The following LAMA2 variants were observed in gnomAD, a reference collection of about 807,000 sequenced individuals.
LAMA2 encodes laminin subunit alpha-2.
A neutral mutation model predicts 364.8 loss-of-function variants in LAMA2; 269 were observed. The observed-to-expected ratio is 0.74, with a 90% confidence interval of 0.67 to 0.82. LAMA2 has a LOEUF of 0.82. LAMA2 is among the 40% of genes least tolerant of loss of function. The pLI is 0.00. For synonymous variants in LAMA2, 1,379 were observed against 1,370.6 expected, an observed-to-expected ratio of 1.01 and a Z score of -0.14; for missense variants, 3,807 against 3,873.2, an observed-to-expected ratio of 0.98 and a Z score of 0.45.
In LAMA2 at chr6:129,313,011, T is replaced by C; in HGVS notation, c.3325T>C (p.Phe1109Leu). The C allele has an allele frequency of 6.2e-7, 1 of 1,614,198 alleles. No individual in the cohort carries two copies. Among genetic ancestry groups the C allele is most frequent in the South Asian group, 1.1e-5 (1 of 91,082 alleles). The change falls in exon 23 of 65, where the codon TTC becomes CTC. Residue 1109 changes from phenylalanine to leucine, a missense_variant. Coordinates refer to ENST00000421865, the MANE Select transcript of LAMA2 (RefSeq NM_000426.4). ...CCCTCGCTGCAATCTCTGTGACTGC[T>C]TCCTCCCTGGGACAGATGCCACAAC... ...NYPRCNLCDCFLPGTDATTCD... is the reference protein window; with the variant it reads ...NYPRCNLCDCLLPGTDATTCD...
chr6:129,316,283 A>G, intron 27 of LAMA2, 112 bp downstream of exon 27: 2 of 860,246 alleles, frequency 2.3e-6, no homozygotes, highest in Non-Finnish European at 3.7e-6. Context: ...TTGCAGTATA[A>G]TGATAGAAGA....
intron 10 of LAMA2, among the ~76,000 whole-genome samples, chr6:129,187,863 G>A: frequency 6.6e-6 from 1 of 151,682 alleles, no homozygotes; most frequent in Non-Finnish European, 1.5e-5. Context: ...TCTGATTAGG[G>A]ATGCTCAACC....
intron 12 of LAMA2, among the ~76,000 whole-genome samples, chr6:129,248,597 A>T (rs1481505147): frequency 6.6e-6 from 1 of 152,222 alleles, no homozygotes; most frequent in Non-Finnish European, 1.5e-5. Flanking sequence ...ATCAAAATAG[A>T]TTTGAAAGCT....
At chr6:128,988,757 T>A (rs1783427325) in intron 1 of LAMA2, among the ~76,000 whole-genome samples, 1 of 152,186 alleles carries the variant, frequency 6.6e-6, no homozygotes, top group African/African-American at 2.4e-5. Flanking sequence ...AGAGATGAGC[T>A]AAACAAATTA....
At chr6:129,007,116 G>T (rs1784492575) in intron 1 of LAMA2, among the ~76,000 whole-genome samples, 1 of 152,170 alleles carries the variant, frequency 6.6e-6, no homozygotes, top group Admixed American at 6.5e-5. Flanking sequence ...TAGCTATGCA[G>T]AGGGCGTAGG....
chr6:128,976,584 A>G (rs926776234), intron 1 of LAMA2, among the ~76,000 whole-genome samples: 1 of 152,194 alleles, frequency 6.6e-6, no homozygotes, highest in Non-Finnish European at 1.5e-5. Flanking sequence ...TCTCTTTGAG[A>G]GAAGAATCAT....
At chr6:129,263,266 G>A (rs1312185183) in intron 15 of LAMA2, among the ~76,000 whole-genome samples, 1 of 152,150 alleles carries the variant, frequency 6.6e-6, no homozygotes, top group Non-Finnish European at 1.5e-5. Flanking sequence ...CCCCAAGGAC[G>A]TTGCACTGAG....
At position 129,514,526 on chromosome 6, in the gene LAMA2, G is replaced by A. The variant is rs550370351; in HGVS notation, c.9142G>A (p.Ala3048Thr). 5.0e-6 allele frequency: 8 copies of A among 1,614,122 alleles called. No individual in the cohort carries two copies. The African/African-American group carries it at 5.3e-5, about 11-fold the overall frequency. ...ELTVDGNQVE[A>T]QSPNPASTSA... ...CACAGTCGATGGGAACCAGGTGGAA[G>A]CCCAAAGCCCAAACCCAGCATCTAC... The change falls in exon 64 of 65, where the codon GCC becomes ACC. Residue 3048 changes from alanine (A) to threonine (T), a missense_variant. This residue lies in a region of LAMA2 where 3,333 missense variants were observed against 3,345.7 expected (regional missense o/e 1.00). Coordinates refer to ENST00000421865, the MANE Select transcript of LAMA2 (RefSeq NM_000426.4).
At chr6:129,492,602 A>T (rs943488195) in intron 58 of LAMA2, 119 bp downstream of exon 58, 4 of 842,844 alleles carry the variant, frequency 4.7e-6, no homozygotes, top group African/African-American at 3.4e-5. Flanking sequence ...AAAGAAATAT[A>T]ACCTATCTAA....
At chr6:129,180,996 A>G (rs2115020442) in intron 10 of LAMA2, among the ~76,000 whole-genome samples, 1 of 152,160 alleles carries the variant, frequency 6.6e-6, no homozygotes, top group South Asian at 2.1e-4. Context: ...CAGACAGTGA[A>G]ATGGGGGCTA....
At chr6:129,088,544 T>C (rs552271758) in intron 3 of LAMA2, among the ~76,000 whole-genome samples, 55 of 148,742 alleles carry the variant, frequency 3.7e-4, no homozygotes, top group Non-Finnish European at 6.1e-4. Flanking sequence ...ACCTCCCTCC[T>C]GGACGGGGCG....
At chr6:129,403,568 C>T (rs895720035) in intron 39 of LAMA2, among the ~76,000 whole-genome samples, 20 of 152,174 alleles carry the variant, frequency 1.3e-4, no homozygotes, top group African/African-American at 4.6e-4. Flanking sequence ...CACCTGGTTG[C>T]AGAGACTTTT....
chr6:129,235,030 AT>A (rs1784896609), intron 12 of LAMA2, among the ~76,000 whole-genome samples: 1 of 152,148 alleles, frequency 6.6e-6, no homozygotes, highest in Admixed American at 6.5e-5. Context: ...TCTTACACAT[AT>A]TTCTGAAATG....
intron 34 of LAMA2, among the ~76,000 whole-genome samples, chr6:129,379,715 G>A (rs1384155954): frequency 6.6e-6 from 1 of 152,200 alleles, no homozygotes; most frequent in African/African-American, 2.4e-5. Context: ...CTAGAAAGCA[G>A]TGTAGTTGGG....
At chr6:128,923,968 T>C (rs537184069) in intron 1 of LAMA2, among the ~76,000 whole-genome samples, 3 of 152,250 alleles carry the variant, frequency 2.0e-5, no homozygotes, top group African/African-American at 7.2e-5. Flanking sequence ...TAGTCATGAC[T>C]CTGCTCCACA....
intron 48 of LAMA2, 45 bp downstream of exon 48, chr6:129,456,539 T>C (rs1562581403): frequency 6.6e-7 from 1 of 1,524,544 alleles, no homozygotes. Flanking sequence ...TTTGTTGACA[T>C]CTCCTGACAT....
intron 12 of LAMA2, among the ~76,000 whole-genome samples, chr6:129,193,159 T>C (rs1223306148): frequency 1.3e-5 from 2 of 152,160 alleles, no homozygotes; most frequent in Non-Finnish European, 2.9e-5. Context: ...GAAGAAACTG[T>C]GTTGTGTTTA....
chr6:128,980,407 G>A (rs1353005129), intron 1 of LAMA2, among the ~76,000 whole-genome samples: 1 of 152,160 alleles, frequency 6.6e-6, no homozygotes, highest in Non-Finnish European at 1.5e-5. Flanking sequence ...TTAGCAAAAT[G>A]TGTAGGTGAA....
At chr6:129,489,929 T>TAA (rs11335861) in intron 56 of LAMA2, among the ~76,000 whole-genome samples, 2 of 149,764 alleles carry the variant, frequency 1.3e-5, no homozygotes, top group African/African-American at 4.9e-5. Context: ...ACTGAAACTG[T>TAA]AAAAAAAAAA....
Sources: gnomAD v4.1 joint callset for allele counts (sites outside exome capture counted in the v4.1 genomes callset) on GRCh38, gnomAD v4.1.1 for gene constraint, gnomAD v4.1.1 regional missense constraint, MANE v1.5 for transcripts, NCBI Gene and HGNC (gene_info 2026-07-23, HGNC 2026-07-21) for gene names.